The following ENOX2 variants were observed in gnomAD, a reference collection of about 807,000 sequenced individuals.
ENOX2 encodes the protein ecto-NOX disulfide-thiol exchanger 2, also known as APK1 antigen.
Under a neutral mutation model 45.0 loss-of-function variants are expected in ENOX2, and 36 were observed. The ratio of observed to expected loss-of-function variants is 0.80; its 90% confidence interval spans 0.61 to 1.06. ENOX2 has a LOEUF of 1.06. Among genes scored for constraint, ENOX2 ranks in the 50% least tolerant of loss-of-function variants. The pLI is 0.00. For missense variants in ENOX2, 423 were observed against 462.5 expected (o/e 0.91, Z 0.78); for synonymous variants, 174 against 152.3 (o/e 1.14, Z -1.05).
At chrX:130,811,439 C>T (rs930058819) in intron 2 of ENOX2, among the ~76,000 whole-genome samples, 1 of 112,274 alleles carries the variant, frequency 8.9e-6, no homozygotes, top group African/African-American at 3.2e-5. Context: ...CCCAACCAGC[C>T]AGGCACTAGG....
At chrX:130,742,443 G>T (rs2039007388) in intron 3 of ENOX2, among the ~76,000 whole-genome samples, 1 of 108,961 alleles carries the variant, frequency 9.2e-6, no homozygotes, top group African/African-American at 3.3e-5. Context: ...AATTTGAAGG[G>T]AGGTCTCTAA....
At chrX:130,743,673 T>C (rs776435923) in intron 3 of ENOX2, among the ~76,000 whole-genome samples, 1 of 110,109 alleles carries the variant, frequency 9.1e-6, no homozygotes, top group South Asian at 4.0e-4. Context: ...AGAGATGGGA[T>C]TTCACCATGT....
intron 2 of ENOX2, among the ~76,000 whole-genome samples, chrX:130,870,367 C>A (rs73229076): frequency 1.3e-4 from 15 of 111,990 alleles, no homozygotes; most frequent in Non-Finnish European, 2.1e-4. Context: ...GGTATAAAAG[C>A]TCCTTATTCT....
At chrX:130,797,925 A>G (rs2077159928) in intron 2 of ENOX2, among the ~76,000 whole-genome samples, 2 of 110,910 alleles carry the variant, frequency 1.8e-5, no homozygotes, top group Non-Finnish European at 3.8e-5. Context: ...CCAACATAAT[A>G]TATTTGTCAG....
At chrX:130,715,963 G>T (rs1225452936) in intron 3 of ENOX2, among the ~76,000 whole-genome samples, 1 of 111,668 alleles carries the variant, frequency 9.0e-6, no homozygotes, top group African/African-American at 3.3e-5. Context: ...TACTAACAAT[G>T]GTGGGCATTA....
Position 130,682,023 on chromosome X carries a change from C to T in ENOX2, c.254-2275G>A, listed in dbSNP as rs182382086. Among the ~76,000 whole-genome samples the T allele has an allele frequency of 1.0e-3, 109 of 107,707 alleles. 5 individuals are homozygous for T. The East Asian group carries it at 0.021, about 21-fold the overall frequency. The allele number at this position is 107,707 out of a possible 115,157, so 93.5% of individuals were successfully genotyped here. A position where few individuals can be genotyped will look rare whatever the true frequency, so the allele number is the denominator to read the frequency against. ...TTTGACCATGGAACACAACCCCCCC[C>T]CCCACCGACTATATAAGGTAAAGAA... On this transcript the variant is annotated intron_variant, in intron 5 of 14. Coordinates refer to ENST00000394363, the MANE Select transcript of ENOX2 (RefSeq NM_006375.4).
intron 4 of ENOX2, 148 bp from the exon 5 acceptor site, chrX:130,689,166 A>C: frequency 2.2e-6 from 1 of 448,478 alleles, no homozygotes; most frequent in African/African-American, 2.4e-5. Flanking sequence ...CCAGGTCTTA[A>C]ATATTATCTT....
chrX:130,782,780 T>G (rs191390434), intron 3 of ENOX2, among the ~76,000 whole-genome samples: 407 of 111,002 alleles, frequency 3.7e-3, no homozygotes, highest in Non-Finnish European at 5.1e-3. Flanking sequence ...AGACATAAAA[T>G]TGTAAAATAT....
chrX:130,657,472 G>A lies in ENOX2; in HGVS notation c.1015-777C>T, dbSNP rs189967213. Among the ~76,000 whole-genome samples, 3 of 111,888 alleles carry A rather than the reference G, an allele frequency of 2.7e-5. No individual in the cohort carries two copies. In the East Asian group the frequency reaches 8.5e-4, roughly 32 times the overall value. Reference sequence around the variant, plus strand: ...GAGTTCACGGCAGTTACAGCCACTGGAAAGTAAGAAGGGAATCCCAGAAAG... The same window carrying A: ...GAGTTCACGGCAGTTACAGCCACTGAAAAGTAAGAAGGGAATCCCAGAAAG... On this transcript the variant is annotated intron_variant, in intron 9 of 14. Transcript: ENST00000394363.
chrX:130,901,930 C>G (rs766847927), intron 1 of ENOX2, among the ~76,000 whole-genome samples, 199 bp from the exon 2 acceptor site: 2 of 111,901 alleles, frequency 1.8e-5, no homozygotes, highest in African/African-American at 6.5e-5. Context: ...TCACAGTGCT[C>G]CCTCTTCTGT....
intron 10 of ENOX2, among the ~76,000 whole-genome samples, chrX:130,644,461 C>G: frequency 8.9e-6 from 1 of 112,364 alleles, no homozygotes; most frequent in Middle Eastern, 4.6e-3. Context: ...CAGCTTTATT[C>G]ATAATTGCTA....
At chrX:130,755,914 T>C (rs2148342970) in intron 3 of ENOX2, among the ~76,000 whole-genome samples, 1 of 111,165 alleles carries the variant, frequency 9.0e-6, no homozygotes, top group Non-Finnish European at 1.9e-5. Context: ...ATCCGTCTAC[T>C]CACTATCTTC....
chrX:130,803,486 T>C (rs1325505819), intron 2 of ENOX2, among the ~76,000 whole-genome samples: 1 of 112,112 alleles, frequency 8.9e-6, no homozygotes, highest in African/African-American at 3.2e-5. Context: ...TTCAAAAACA[T>C]GTATTATAAC....
intron 3 of ENOX2, among the ~76,000 whole-genome samples, chrX:130,738,819 G>A (rs1407453324): frequency 8.9e-6 from 1 of 112,052 alleles, no homozygotes; most frequent in Non-Finnish European, 1.9e-5. Context: ...CTCACCCCAT[G>A]GGCAGCACAG....
intron 14 of ENOX2, among the ~76,000 whole-genome samples, chrX:130,625,960 G>A (rs972348935): frequency 8.4e-5 from 9 of 107,001 alleles, no homozygotes; most frequent in African/African-American, 2.4e-4. Context: ...CCCTCAATAC[G>A]AAAACAAAAA....
chrX:130,817,731 A>T (rs1237516213), intron 2 of ENOX2, among the ~76,000 whole-genome samples: 2 of 112,329 alleles, frequency 1.8e-5, no homozygotes, highest in Non-Finnish European at 3.8e-5. Flanking sequence ...TCATGCCAAA[A>T]ATTATCAATA....
intron 2 of ENOX2, among the ~76,000 whole-genome samples, chrX:130,789,840 T>C (rs776318191): frequency 7.2e-4 from 81 of 112,266 alleles, no homozygotes; most frequent in Middle Eastern, 4.6e-3. Flanking sequence ...TTTATCCATC[T>C]CTGGAGGGCC....
intron 9 of ENOX2, among the ~76,000 whole-genome samples, chrX:130,658,534 G>A (rs1212704388): frequency 9.0e-5 from 10 of 111,556 alleles, no homozygotes; most frequent in Non-Finnish European, 1.9e-4. Flanking sequence ...TATTCAAAGA[G>A]CTCAGTGAAC....
At chrX:130,832,852 T>C (rs1024854351) in intron 2 of ENOX2, among the ~76,000 whole-genome samples, 10 of 111,178 alleles carry the variant, frequency 9.0e-5, no homozygotes, top group African/African-American at 3.3e-4. Flanking sequence ...CACCCCCTTT[T>C]AGCAAAATGT....
Sources: gnomAD v4.1 joint callset for allele counts (sites outside exome capture counted in the v4.1 genomes callset) on GRCh38, gnomAD v4.1.1 for gene constraint, MANE v1.5 for transcripts, NCBI Gene and HGNC (gene_info 2026-07-23, HGNC 2026-07-21) for gene names.